The following VSTM2L variants were observed in gnomAD, a reference collection of about 807,000 sequenced individuals.
The protein encoded by VSTM2L is V-set and transmembrane domain-containing protein 2-like protein.
In VSTM2L, 9 loss-of-function variants were observed where a neutral mutation model predicts 19.9. The ratio of observed to expected loss-of-function variants is 0.45; its 90% CI spans 0.27 to 0.79. The LOEUF (loss-of-function observed/expected upper bound fraction) is 0.79, where lower values mean the gene tolerates loss of function less well. Among genes scored for constraint, VSTM2L ranks in the 30% least tolerant of loss-of-function variants. The pLI is 0.15. For synonymous variants in VSTM2L, 127 were observed against 133.8 expected (o/e 0.95, Z 0.35); for missense variants, 286 against 295.5 (o/e 0.97, Z 0.24).
At chr20:37,941,769 C>A (rs1600576605) in intron 3 of VSTM2L, among the ~76,000 whole-genome samples, 1 of 151,386 alleles carries the variant, frequency 6.6e-6, no homozygotes. Context: ...GAGAACTGAT[C>A]TCCACTGTTC....
At chr20:37,930,935 C>T (rs12480684) in intron 1 of VSTM2L, among the ~76,000 whole-genome samples, 27,568 of 152,178 alleles carry the variant, frequency 0.18, 3,015 homozygotes, top group Middle Eastern at 0.31. Context: ...GGGACCTTCT[C>T]GGGATCCTCA....
In VSTM2L at chr20:37,903,516, A is replaced by G. The variant is rs200950982; in HGVS notation, c.121+45A>G. 2,112 of 1,418,776 alleles carry G rather than the reference A, an allele frequency of 1.5e-3. 31 individuals are homozygous for G. In the African/African-American group the frequency reaches 0.027, roughly 18 times the overall value. 87.9% of individuals were successfully genotyped at this position (1,418,776 alleles called of 1,614,324 possible). ...CCGCGGACTTCCCCACCAAACCCCA[A>G]CCCGGGCCGCGCCACTCCAACTTGG... On this transcript the variant is annotated intron_variant, in intron 1 of 3. Coordinates refer to ENST00000373461, the MANE Select transcript of VSTM2L (RefSeq NM_080607.3).
intron 1 of VSTM2L, among the ~76,000 whole-genome samples, chr20:37,908,642 A>G (rs1186925084): frequency 6.6e-6 from 1 of 152,078 alleles, no homozygotes; most frequent in Non-Finnish European, 1.5e-5. Context: ...GTGAGAACTC[A>G]TCTCTACAAA....
At chr20:37,904,519 C>G (rs1169577720) in intron 1 of VSTM2L, among the ~76,000 whole-genome samples, 9 of 152,214 alleles carry the variant, frequency 5.9e-5, no homozygotes, top group African/African-American at 1.9e-4. Context: ...GGGGCTCCCC[C>G]TGACCCCTGT....
chr20:37,928,579 C>A (rs892736108), intron 1 of VSTM2L, among the ~76,000 whole-genome samples: 1 of 152,178 alleles, frequency 6.6e-6, no homozygotes, highest in African/African-American at 2.4e-5. Flanking sequence ...AAAAGCAAGA[C>A]CGTGTCTCTA....
At chr20:37,940,796 C>A (rs1289168213) in intron 3 of VSTM2L, among the ~76,000 whole-genome samples, 5 of 152,200 alleles carry the variant, frequency 3.3e-5, no homozygotes, top group African/African-American at 1.2e-4. Context: ...TAAAGGGAAG[C>A]AAGGCATGTC....
intron 3 of VSTM2L, among the ~76,000 whole-genome samples, chr20:37,940,407 G>A (rs1196996265): frequency 1.3e-5 from 2 of 152,240 alleles, no homozygotes; most frequent in African/African-American, 2.4e-5. Context: ...TTCCCTCCAC[G>A]TAGGGGACGA....
At chr20:37,915,616 C>A (rs2122947152) in intron 1 of VSTM2L, among the ~76,000 whole-genome samples, 1 of 152,258 alleles carries the variant, frequency 6.6e-6, no homozygotes, top group East Asian at 1.9e-4. Flanking sequence ...CTCAGAGATT[C>A]ACCTACCTTG....
chr20:37,931,290 G>T (rs1372777343), intron 1 of VSTM2L, among the ~76,000 whole-genome samples: 2 of 152,186 alleles, frequency 1.3e-5, no homozygotes, highest in African/African-American at 4.8e-5. Flanking sequence ...GGAAGCGGCA[G>T]CTCCTCCCTG....
At chr20:37,943,470 T>C (rs2072985693) in intron 3 of VSTM2L, among the ~76,000 whole-genome samples, 1 of 144,540 alleles carries the variant, frequency 6.9e-6, no homozygotes, top group Admixed American at 7.1e-5. Context: ...ACTTTCAGAC[T>C]AAACGAAGAC....
intron 1 of VSTM2L, among the ~76,000 whole-genome samples, chr20:37,925,468 C>G (rs1447051305): frequency 6.6e-6 from 1 of 152,196 alleles, no homozygotes; most frequent in Non-Finnish European, 1.5e-5. Context: ...ATCCTTGGCT[C>G]CCAGTCCAAT....
intron 1 of VSTM2L, among the ~76,000 whole-genome samples, chr20:37,917,688 C>T (rs947484625): frequency 3.9e-5 from 6 of 152,338 alleles, no homozygotes; most frequent in South Asian, 2.1e-4. Context: ...CCCTAGTGCC[C>T]GACCGTCCCC....
intron 1 of VSTM2L, among the ~76,000 whole-genome samples, chr20:37,919,676 C>T (rs2072839884): frequency 6.6e-6 from 1 of 152,254 alleles, no homozygotes; most frequent in Non-Finnish European, 1.5e-5. Context: ...GTGGCCTTGC[C>T]ACCCAGCTGA....
At chr20:37,941,213 G>A (rs2072969998) in intron 3 of VSTM2L, among the ~76,000 whole-genome samples, 1 of 152,198 alleles carries the variant, frequency 6.6e-6, no homozygotes, top group South Asian at 2.1e-4. Context: ...TAGCCAGGGA[G>A]AGAACCCAAA....
rs1212489522 is a variant in VSTM2L at position 37,944,428 on chromosome 20, C to A, written c.*175C>A. The A allele has an allele frequency of 8.0e-6, 9 of 1,120,928 alleles. No individual in the cohort carries two copies. Among genetic ancestry groups the A allele is most frequent in the Non-Finnish European group, 1.1e-5 (9 of 855,980 alleles). 69.4% of individuals were successfully genotyped at this position (1,120,928 alleles called of 1,614,324 possible). A position where few individuals can be genotyped will look rare whatever the true frequency, so the allele number is the denominator to read the frequency against. ...CCTTGCTCAGCATGTAAGCCCCACC[C>A]ACCCCTGCCCTTTCAGACCCCTGCG... On this transcript the variant is annotated 3_prime_UTR_variant, in exon 4 of 4. Transcript: ENST00000373461.
chr20:37,905,365 C>T (rs2072746185), intron 1 of VSTM2L, among the ~76,000 whole-genome samples: 1 of 152,148 alleles, frequency 6.6e-6, no homozygotes, highest in Admixed American at 6.5e-5. Context: ...CTGTTATTCC[C>T]AAGGCCCCAA....
chr20:37,903,620 G>A, intron 1 of VSTM2L, 149 bp downstream of exon 1: 2 of 1,227,644 alleles, frequency 1.6e-6, no homozygotes, highest in Non-Finnish European at 2.1e-6. Context: ...ACCCGCCCTG[G>A]CACCCTGGCC....
intron 1 of VSTM2L, among the ~76,000 whole-genome samples, chr20:37,928,764 A>T (rs939495854): frequency 1.3e-5 from 2 of 152,050 alleles, no homozygotes; most frequent in Non-Finnish European, 2.9e-5. Flanking sequence ...CAAAAATAAA[A>T]TGTATTTATT....
intron 1 of VSTM2L, among the ~76,000 whole-genome samples, chr20:37,923,352 A>C (rs114783298): frequency 1.0e-3 from 157 of 152,308 alleles, no homozygotes; most frequent in African/African-American, 3.8e-3. Flanking sequence ...GGCCAGAGCC[A>C]CAGAGCCATT....
Sources: allele counts gnomAD v4.1 joint callset (sites outside exome capture counted in the v4.1 genomes callset), GRCh38; gene constraint gnomAD v4.1.1; transcripts MANE v1.5; gene names NCBI Gene and HGNC (gene_info 2026-07-23, HGNC 2026-07-21).